Variants in PARD3 observed in about 807,000 individuals in gnomAD.
The protein encoded by PARD3 is partitioning defective 3 homolog.
A neutral mutation model predicts 155.4 loss-of-function variants in PARD3; 75 were observed. That is an observed-to-expected ratio of 0.48 (90% CI 0.40 to 0.58). PARD3 has a LOEUF of 0.58. Among genes scored for constraint, PARD3 ranks in the 20% least tolerant of loss-of-function variants. The pLI is 0.00. For synonymous variants in PARD3, 576 were observed against 610.5 expected (o/e 0.94, Z 0.83); for missense variants, 1,642 against 1,721.7 (o/e 0.95, Z 0.82).
intron 22 of PARD3, among the ~76,000 whole-genome samples, chr10:34,232,396 T>C (rs1481042184): frequency 3.9e-5 from 6 of 152,064 alleles, no homozygotes; most frequent in Non-Finnish European, 8.8e-5. Flanking sequence ...CCTAAACAGT[T>C]TAGGAAACCT....
chr10:34,731,334 C>T (rs1193594792), intron 1 of PARD3, among the ~76,000 whole-genome samples: 1 of 152,176 alleles, frequency 6.6e-6, no homozygotes, highest in East Asian at 1.9e-4. Context: ...GAGAGCTGTT[C>T]ACTACCTCTT....
At chr10:34,504,175 G>A (rs2080894254) in intron 3 of PARD3, among the ~76,000 whole-genome samples, 1 of 151,816 alleles carries the variant, frequency 6.6e-6, no homozygotes, top group Non-Finnish European at 1.5e-5. Context: ...TGCCACCTAG[G>A]CTACAATGCA....
intron 3 of PARD3, among the ~76,000 whole-genome samples, chr10:34,477,055 G>T (rs2078758714): frequency 6.6e-6 from 1 of 152,176 alleles, no homozygotes; most frequent in Non-Finnish European, 1.5e-5. Flanking sequence ...GGCCTCGGAT[G>T]AATAAAACAT....
intron 2 of PARD3, among the ~76,000 whole-genome samples, chr10:34,558,191 TA>T (rs1590007201): frequency 6.6e-6 from 1 of 152,282 alleles, no homozygotes; most frequent in East Asian, 1.9e-4. Context: ...TACGTAATTA[TA>T]TTCCCCATTG....
At chr10:34,801,341 C>T (rs1289609846) in intron 1 of PARD3, among the ~76,000 whole-genome samples, 2 of 152,164 alleles carry the variant, frequency 1.3e-5, no homozygotes, top group African/African-American at 4.8e-5. Context: ...CACTGCTTAG[C>T]GACTTCCCTA....
intron 2 of PARD3, among the ~76,000 whole-genome samples, chr10:34,551,660 G>C (rs994576758): frequency 1.3e-5 from 2 of 152,174 alleles, no homozygotes; most frequent in Non-Finnish European, 1.5e-5. Flanking sequence ...GAGGCAGAAG[G>C]TTTCCCCAGC....
intron 15 of PARD3, among the ~76,000 whole-genome samples, chr10:34,343,087 A>C (rs538485429): frequency 6.6e-6 from 1 of 152,206 alleles, no homozygotes; most frequent in Non-Finnish European, 1.5e-5. Context: ...TCATTCATCA[A>C]TAAGGTGGGA....
intron 1 of PARD3, among the ~76,000 whole-genome samples, chr10:34,792,123 C>T (rs1001736184): frequency 2.6e-5 from 4 of 152,124 alleles, no homozygotes; most frequent in Non-Finnish European, 4.4e-5. Context: ...CGCCCACGTG[C>T]TTGCCCCGGA....
chr10:34,215,318 C>T (rs1316270925), intron 22 of PARD3, among the ~76,000 whole-genome samples: 7 of 152,000 alleles, frequency 4.6e-5, no homozygotes, highest in Non-Finnish European at 1.0e-4. Flanking sequence ...TGAGGGATTT[C>T]CTAAGTTTTA....
chr10:34,535,619 C>T (rs2083169818), intron 2 of PARD3, among the ~76,000 whole-genome samples: 1 of 151,954 alleles, frequency 6.6e-6, no homozygotes. Context: ...GGATTACAGG[C>T]GTGCACCATT....
chr10:34,605,161 G>A (rs1378691263), intron 2 of PARD3, among the ~76,000 whole-genome samples: 2 of 142,978 alleles, frequency 1.4e-5, no homozygotes, highest in African/African-American at 5.2e-5. Context: ...CCACTGATCT[G>A]AAACAGCCCC....
At chr10:34,576,563 A>T (rs758115010) in intron 2 of PARD3, among the ~76,000 whole-genome samples, 1 of 152,158 alleles carries the variant, frequency 6.6e-6, no homozygotes, top group Non-Finnish European at 1.5e-5. Context: ...AATTATAGGT[A>T]AGCAGATAAC....
intron 21 of PARD3, among the ~76,000 whole-genome samples, chr10:34,273,334 T>C (rs1275197736): frequency 6.6e-6 from 1 of 152,166 alleles, no homozygotes; most frequent in Non-Finnish European, 1.5e-5. Context: ...TACTGATACA[T>C]ACAGCAACTT....
At chr10:34,285,584 AAAAG>A (rs1451393781) in intron 20 of PARD3, among the ~76,000 whole-genome samples, 30 of 152,044 alleles carry the variant, frequency 2.0e-4, no homozygotes, top group African/African-American at 5.6e-4. Flanking sequence ...TCAAAAAAAA[AAAAG>A]AAAGAAAGAA....
intron 1 of PARD3, among the ~76,000 whole-genome samples, chr10:34,805,520 C>T (rs1843257342): frequency 2.0e-5 from 3 of 146,698 alleles, no homozygotes; most frequent in East Asian, 4.0e-4. Flanking sequence ...AAAAGATCAC[C>T]CCAGAAATAC....
At chr10:34,684,788 C>CAT (rs1564504455) in intron 2 of PARD3, among the ~76,000 whole-genome samples, 1 of 74,878 alleles carries the variant, frequency 1.3e-5, no homozygotes, top group East Asian at 3.4e-4. Context: ...TACACACACA[C>CAT]ACACACACAC....
intron 4 of PARD3, among the ~76,000 whole-genome samples, chr10:34,461,398 A>T (rs2077641251): frequency 6.6e-6 from 1 of 152,234 alleles, no homozygotes; most frequent in Non-Finnish European, 1.5e-5. Context: ...TGAAGTCAGG[A>T]GTTCGAGACC....
intron 12 of PARD3, among the ~76,000 whole-genome samples, chr10:34,361,694 T>C (rs1047827062): frequency 6.6e-6 from 1 of 152,198 alleles, no homozygotes; most frequent in African/African-American, 2.4e-5. Context: ...TTTAGACCCA[T>C]AGTAATGTGA....
At chr10:34,267,230 C>T (rs955213077) in intron 22 of PARD3, among the ~76,000 whole-genome samples, 1 of 152,128 alleles carries the variant, frequency 6.6e-6, no homozygotes, top group Non-Finnish European at 1.5e-5. Flanking sequence ...CCTTCAAATG[C>T]TGTTTGACCT....
Sources: allele counts gnomAD v4.1 joint callset (sites outside exome capture counted in the v4.1 genomes callset), GRCh38; gene constraint gnomAD v4.1.1; transcripts MANE v1.5; gene names NCBI Gene and HGNC (gene_info 2026-07-23, HGNC 2026-07-21).